Variants in SPIC observed in about 807,000 individuals in gnomAD.
The protein encoded by SPIC is Spi-C transcription factor.
SPIC carries 9 observed loss-of-function variants against 16.7 expected under a neutral mutation model. The observed-to-expected ratio is 0.54, with a 90% CI of 0.33 to 0.94. The LOEUF is 0.94. SPIC is among the 40% of genes least tolerant of loss of function. SPIC has a pLI of 0.03. For missense variants in SPIC, 241 were observed against 285.8 expected (o/e 0.84, Z 1.13); for synonymous variants, 97 against 102.9 (o/e 0.94, Z 0.35).
At position 101,486,913 on chromosome 12, in the gene SPIC, A is replaced by G; in HGVS notation, c.*142A>G. On this transcript the variant is annotated 3_prime_UTR_variant, in exon 6 of 6. Coordinates refer to ENST00000551346, the MANE Select transcript of SPIC (RefSeq NM_152323.3). The stretch of plus-strand genomic sequence containing the variant: ...CAAATACTAAAGAGGAAAAAAAATT[A>G]ACTTTATTGTTGCTTTTATCAAAGA... The G allele has an allele frequency of 1.5e-6, 1 of 664,996 alleles. No homozygotes were observed. The highest frequency in any genetic ancestry group is 2.9e-5 in the East Asian group (1 of 34,584). 41.2% of individuals were successfully genotyped at this position (664,996 alleles called of 1,614,324 possible).
chr12:101,485,439 CAAT>C (rs1162468256), intron 5 of SPIC, among the ~76,000 whole-genome samples: 2 of 152,158 alleles, frequency 1.3e-5, no homozygotes, highest in East Asian at 3.8e-4. Flanking sequence ...TATTCCACAA[CAAT>C]GAGAAATATC....
intron 5 of SPIC, among the ~76,000 whole-genome samples, chr12:101,483,762 C>T (rs1005776546): frequency 5.9e-5 from 9 of 151,606 alleles, no homozygotes; most frequent in South Asian, 4.2e-4. Context: ...ACGCCTGGCC[C>T]GTTTTTTGTA....
chr12:101,484,275 T>C (rs1593494288), intron 5 of SPIC, among the ~76,000 whole-genome samples: 2 of 152,110 alleles, frequency 1.3e-5, no homozygotes, highest in African/African-American at 2.4e-5. Context: ...GGCTCATGCC[T>C]GTAATCCTAG....
At chr12:101,482,103 A>G (rs981577062) in intron 4 of SPIC, among the ~76,000 whole-genome samples, 29 of 149,462 alleles carry the variant, frequency 1.9e-4, no homozygotes, top group Admixed American at 4.7e-4. Context: ...TTAGCCGGGC[A>G]TGGTGGCACG....
At chr12:101,485,829 G>A (rs1249246521) in intron 5 of SPIC, among the ~76,000 whole-genome samples, 1 of 152,142 alleles carries the variant, frequency 6.6e-6, no homozygotes, top group Non-Finnish European at 1.5e-5. Context: ...TGTTGCCCAG[G>A]CTGGAGTGCA....
At chr12:101,482,606 T>C (rs1233577102) in intron 4 of SPIC, among the ~76,000 whole-genome samples, 186 bp from the exon 5 acceptor site, 1 of 152,108 alleles carries the variant, frequency 6.6e-6, no homozygotes. Context: ...CTCTGTCCCC[T>C]GGTCCTCTCC....
intron 5 of SPIC, among the ~76,000 whole-genome samples, chr12:101,486,080 C>T (rs1212904116): frequency 6.6e-6 from 1 of 152,214 alleles, no homozygotes; most frequent in African/African-American, 2.4e-5. Flanking sequence ...GGACTACAGG[C>T]GTGAGCCATC....
At chr12:101,478,012 TTTTTTTC>T (rs1233153142) in intron 3 of SPIC, among the ~76,000 whole-genome samples, 114 of 151,868 alleles carry the variant, frequency 7.5e-4, no homozygotes, top group African/African-American at 1.1e-3. Context: ...GAGAAGACCT[TTTTTTTC>T]TTTTTTCTTT....
chr12:101,476,710 A>G, intron 1 of SPIC, 118 bp from the exon 2 acceptor site: 2 of 365,834 alleles, frequency 5.5e-6, no homozygotes, highest in Non-Finnish European at 1.0e-5. Context: ...AAGAGAATTC[A>G]GGAGGTACTC....
intron 2 of SPIC, 105 bp from the exon 3 acceptor site, chr12:101,477,453 T>C: frequency 9.4e-7 from 1 of 1,059,984 alleles, no homozygotes; most frequent in Non-Finnish European, 1.4e-6. Context: ...GCCCATAGTG[T>C]CAAGATTGAG....
chr12:101,479,292 GAAAGAAAGAAAGAAA>G (rs1228841474), intron 3 of SPIC, among the ~76,000 whole-genome samples: 804 of 41,826 alleles, frequency 0.019, 51 homozygotes, highest in African/African-American at 0.067. Context: ...GAAAAAGAAA[GAAAGAAAGAAAGAAA>G]AAAGAAAGAA....
intron 4 of SPIC, among the ~76,000 whole-genome samples, chr12:101,480,735 C>G (rs1448624185): frequency 1.3e-5 from 2 of 152,034 alleles, no homozygotes; most frequent in African/African-American, 2.4e-5. Context: ...GCCTGTAATC[C>G]CAAAGTTTTG....
At chr12:101,486,097 G>C (rs919748958) in intron 5 of SPIC, among the ~76,000 whole-genome samples, 1 of 152,164 alleles carries the variant, frequency 6.6e-6, no homozygotes, top group Non-Finnish European at 1.5e-5. Flanking sequence ...CATCACGCCC[G>C]GCCAGGCAAC....
rs1872973611 is a variant in SPIC at position 101,476,916 on chromosome 12, A to G, written c.3+9A>G. The G allele has an allele frequency of 6.9e-7, 1 of 1,459,270 alleles. No homozygotes were observed. The highest frequency in any genetic ancestry group is 2.5e-5 in the East Asian group (1 of 39,910). The allele number at this position is 1,459,270 out of a possible 1,614,324, so 90.4% of individuals were successfully genotyped here. Reference sequence around the variant, plus strand: ...TTTATTAATGAAATATGGTAAGCTGACATTTTAATATTTTCTTTACTCTGT... The same window carrying G: ...TTTATTAATGAAATATGGTAAGCTGGCATTTTAATATTTTCTTTACTCTGT... On this transcript the variant is annotated intron_variant, in intron 2 of 5. Coordinates refer to ENST00000551346, the MANE Select transcript of SPIC (RefSeq NM_152323.3).
At chr12:101,482,982 TTTGGAA>T in intron 5 of SPIC, 82 bp downstream of exon 5, 1 of 1,291,130 alleles carries the variant, frequency 7.7e-7, no homozygotes, top group Non-Finnish European at 1.1e-6. Flanking sequence ...TATAACTGAG[TTTGGAA>T]TTGAATTTGC....
chr12:101,486,455 C>CA lies in SPIC; in HGVS notation c.437dup (p.Asn146LysfsTer50). ...ACCAAAGGCATCTTTCAGTTTGTATCAAAAAACAAAGAAAAACTTGCCGAG... is the reference window on the plus strand; with the variant it reads ...ACCAAAGGCATCTTTCAGTTTGTATCAAAAAAACAAAGAAAAACTTGCCGAG... On this transcript the variant is annotated frameshift_variant, in exon 6 of 6. Coordinates refer to ENST00000551346, the MANE Select transcript of SPIC (RefSeq NM_152323.3). LOFTEE classifies it low-confidence loss of function (END_TRUNC). 1.9e-6 allele frequency: 3 copies of CA among 1,613,930 alleles called. No individual in the cohort carries two copies. The highest frequency in any genetic ancestry group is 2.5e-6 in the Non-Finnish European group (3 of 1,179,982).
chr12:101,484,406 G>A (rs1873300966), intron 5 of SPIC, among the ~76,000 whole-genome samples: 1 of 151,448 alleles, frequency 6.6e-6, no homozygotes, highest in Admixed American at 6.7e-5. Context: ...CATGGTGGTG[G>A]GTGCCTGTAA....
intron 4 of SPIC, among the ~76,000 whole-genome samples, chr12:101,480,767 A>T (rs1263218877): frequency 6.6e-6 from 1 of 152,162 alleles, no homozygotes; most frequent in East Asian, 1.9e-4. Context: ...AGGAAGGATC[A>T]CTTGAGCCCA....
intron 5 of SPIC, 25 bp from the exon 6 acceptor site, chr12:101,486,319 T>A (rs1414990894): frequency 1.3e-6 from 2 of 1,583,026 alleles, no homozygotes; most frequent in East Asian, 4.5e-5. Flanking sequence ...ACGGTGGAGT[T>A]TGACCTTGTT....
Sources: gnomAD v4.1 joint callset for allele counts (sites outside exome capture counted in the v4.1 genomes callset) on GRCh38, gnomAD v4.1.1 for gene constraint, MANE v1.5 for transcripts, NCBI Gene and HGNC (gene_info 2026-07-23, HGNC 2026-07-21) for gene names.